SLC6A5: variants seen among roughly 807,000 people sequenced by gnomAD.
SLC6A5 encodes solute carrier family 6 member 5.
SLC6A5 carries 58 observed loss-of-function variants against 90.5 expected under a neutral mutation model. That is an observed-to-expected ratio of 0.64 (90% CI 0.52 to 0.80). The LOEUF is 0.80. SLC6A5 is among the 30% of genes least tolerant of loss of function. The pLI is 0.00. For missense variants in SLC6A5, 1,015 were observed against 1,017.6 expected (o/e 1.00, Z 0.03); for synonymous variants, 427 against 401.4 (o/e 1.06, Z -0.76).
rs1324338760 is a variant in SLC6A5, at chr11:20,604,426, T to A, written c.679+2T>A. On this transcript the variant is annotated splice_donor_variant, in intron 3 of 15. Transcript: ENST00000525748. LOFTEE classifies it high-confidence loss of function. ...ACCTGGCCTTCCAGAACGGGGGAGG[T>A]ATGGCTTTTCCGCTCTTTCCGCCTG... 1 of 1,612,550 alleles carries A rather than the reference T, an allele frequency of 6.2e-7. No individual in the cohort carries two copies.
intron 7 of SLC6A5, among the ~76,000 whole-genome samples, chr11:20,622,656 G>A (rs964185433): frequency 6.6e-6 from 1 of 152,170 alleles, no homozygotes; most frequent in Admixed American, 6.5e-5. Flanking sequence ...GCCACAGAGG[G>A]AACTCAGGAG....
intron 8 of SLC6A5, among the ~76,000 whole-genome samples, chr11:20,627,357 C>T (rs1443920486): frequency 6.6e-6 from 1 of 152,142 alleles, no homozygotes; most frequent in East Asian, 1.9e-4. Context: ...TCAAAAACTA[C>T]AAATGAGGGG....
At chr11:20,607,223 T>G in intron 4 of SLC6A5, 85 bp downstream of exon 4, 1 of 1,517,650 alleles carries the variant, frequency 6.6e-7, no homozygotes, top group Non-Finnish European at 9.0e-7. Context: ...GAGGGAGACC[T>G]GCCTTTGTGG....
At chr11:20,638,707 A>G (rs1227173781) in intron 13 of SLC6A5, 149 bp downstream of exon 13, 2 of 690,016 alleles carry the variant, frequency 2.9e-6, no homozygotes, top group African/African-American at 1.8e-5. Flanking sequence ...TTTTGTTTCT[A>G]AACTTGCCTC....
At chr11:20,637,358 A>ATAGC in intron 12 of SLC6A5, 55 bp downstream of exon 12, 1 of 1,510,860 alleles carries the variant, frequency 6.6e-7, no homozygotes. Flanking sequence ...TGGGGGGCCA[A>ATAGC]TAGCTATCTG....
intron 5 of SLC6A5, 47 bp downstream of exon 5, chr11:20,607,699 C>A (rs374557355): frequency 3.2e-5 from 47 of 1,476,640 alleles, no homozygotes; most frequent in Non-Finnish European, 4.0e-5. Flanking sequence ...CTAAACTATC[C>A]ATTTATTCAG....
intron 3 of SLC6A5, among the ~76,000 whole-genome samples, chr11:20,606,592 T>A (rs1852585747): frequency 6.6e-6 from 1 of 151,922 alleles, no homozygotes; most frequent in Non-Finnish European, 1.5e-5. Context: ...CTTAGAAGAT[T>A]TTGGGTCCTG....
At chr11:20,642,303 G>A (rs1224571089) in intron 13 of SLC6A5, among the ~76,000 whole-genome samples, 1 of 151,672 alleles carries the variant, frequency 6.6e-6, no homozygotes, top group African/African-American at 2.4e-5. Context: ...GTTTAGAGAG[G>A]CAAAAGCCAC....
chr11:20,622,729 G>A (rs1213406090), intron 7 of SLC6A5, among the ~76,000 whole-genome samples: 5 of 152,172 alleles, frequency 3.3e-5, no homozygotes, highest in Non-Finnish European at 7.3e-5. Flanking sequence ...ACTCATGCCA[G>A]CCTTGGAGAT....
intron 13 of SLC6A5, among the ~76,000 whole-genome samples, chr11:20,643,223 CTCTCT>C (rs1274764888): frequency 7.1e-6 from 1 of 139,922 alleles, no homozygotes; most frequent in Non-Finnish European, 1.6e-5. Flanking sequence ...TAGAATCTCT[CTCTCT>C]TTTTTTTTTT....
Position 20,607,463 on chromosome 11 carries a change from A to C in SLC6A5, c.812-16A>C. 1 of 1,614,050 alleles carries C rather than the reference A, an allele frequency of 6.2e-7. No individual in the cohort carries two copies. The highest frequency in any genetic ancestry group is 8.5e-7 in the Non-Finnish European group (1 of 1,179,960). The stretch of plus-strand genomic sequence containing the variant: ...ATTTAAGATGGAATGAACCCCTGGA[A>C]TTTTTGCTTCTGCAGGCTGTGGCAT... On this transcript the variant is annotated splice_polypyrimidine_tract_variant and intron_variant, in intron 4 of 15. Coordinates refer to ENST00000525748, the MANE Select transcript of SLC6A5 (RefSeq NM_004211.5).
intron 10 of SLC6A5, among the ~76,000 whole-genome samples, chr11:20,633,231 A>G (rs969700039): frequency 6.6e-6 from 1 of 152,222 alleles, no homozygotes; most frequent in African/African-American, 2.4e-5. Flanking sequence ...AGATAAGCAG[A>G]AATTTGCATA....
intron 14 of SLC6A5, among the ~76,000 whole-genome samples, chr11:20,649,007 C>G (rs1853474790): frequency 6.6e-6 from 1 of 152,132 alleles, no homozygotes. Context: ...GAATCCAGGA[C>G]TGTCTAAGCT....
chr11:20,654,058 T>G (rs1187979008), intron 15 of SLC6A5, among the ~76,000 whole-genome samples: 1 of 152,232 alleles, frequency 6.6e-6, no homozygotes, highest in Non-Finnish European at 1.5e-5. Flanking sequence ...TCAAGTTATG[T>G]TTTCCATAAA....
intron 3 of SLC6A5, among the ~76,000 whole-genome samples, chr11:20,605,378 G>T (rs1852559181): frequency 6.6e-6 from 1 of 152,214 alleles, no homozygotes; most frequent in Non-Finnish European, 1.5e-5. Context: ...TGCACCACCG[G>T]ACGGTTAAAG....
intron 7 of SLC6A5, among the ~76,000 whole-genome samples, chr11:20,621,522 G>T (rs531786445): frequency 1.3e-5 from 2 of 152,288 alleles, no homozygotes; most frequent in East Asian, 3.9e-4. Flanking sequence ...GCTTCATTGA[G>T]AAAAGTTTCC....
In SLC6A5 at chr11:20,607,700, A is replaced by G. The variant is rs775524040; in HGVS notation, c.985+48A>G. ...TAGGTGTGTGTATTCTAAACTATCCATTTATTCAGCAAAATAATTGAACAT... is the reference window on the plus strand; with the variant it reads ...TAGGTGTGTGTATTCTAAACTATCCGTTTATTCAGCAAAATAATTGAACAT... On this transcript the variant is annotated intron_variant, in intron 5 of 15. Coordinates refer to ENST00000525748, the MANE Select transcript of SLC6A5 (RefSeq NM_004211.5). 2.1e-6 allele frequency: 3 copies of G among 1,462,630 alleles called. No individual in the cohort carries two copies. The Admixed American group carries it at 5.0e-5, about 24-fold the overall frequency. 90.6% of individuals were successfully genotyped at this position (1,462,630 alleles called of 1,614,324 possible). A position where few individuals can be genotyped will look rare whatever the true frequency, so the allele number is the denominator to read the frequency against.
intron 1 of SLC6A5, among the ~76,000 whole-genome samples, chr11:20,599,939 A>C (rs1351635451): frequency 6.6e-6 from 1 of 152,124 alleles, no homozygotes; most frequent in East Asian, 1.9e-4. Context: ...GGTGCTGAAA[A>C]GCCAGATGCC....
intron 5 of SLC6A5, among the ~76,000 whole-genome samples, chr11:20,609,216 T>G (rs2133777946): frequency 6.6e-6 from 1 of 152,290 alleles, no homozygotes; most frequent in Admixed American, 6.5e-5. Flanking sequence ...ACGCTGATTG[T>G]TTCCTGCGAG....
Sources: gnomAD v4.1 joint callset for allele counts (sites outside exome capture counted in the v4.1 genomes callset) on GRCh38, gnomAD v4.1.1 for gene constraint, MANE v1.5 for transcripts, NCBI Gene and HGNC (gene_info 2026-07-23, HGNC 2026-07-21) for gene names.